The following SYDE2 variants were observed in gnomAD, a reference collection of about 807,000 sequenced individuals.
SYDE2 encodes rho GTPase-activating protein SYDE2.
A neutral mutation model predicts 91.5 loss-of-function variants in SYDE2; 76 were observed. The ratio of observed to expected loss-of-function variants is 0.83; its 90% CI spans 0.69 to 1.01. The LOEUF (loss-of-function observed/expected upper bound fraction) is 1.01. SYDE2 is among the 50% of genes least tolerant of loss of function. SYDE2 has a pLI of 0.00. For synonymous variants in SYDE2, 513 were observed against 506.4 expected, an observed-to-expected ratio of 1.01 and a Z score of -0.18; for missense variants, 1,364 against 1,367.7, an observed-to-expected ratio of 1.00 and a Z score of 0.04.
At chr1:85,163,688 T>C (rs1484403145) in intron 6 of SYDE2, among the ~76,000 whole-genome samples, 1 of 151,806 alleles carries the variant, frequency 6.6e-6, no homozygotes, top group Non-Finnish European at 1.5e-5. Context: ...AACCCAAACC[T>C]GACCCCGGGG....
chr1:85,169,908 A>C (rs1403576924), intron 4 of SYDE2, among the ~76,000 whole-genome samples: 1 of 152,190 alleles, frequency 6.6e-6, no homozygotes, highest in Non-Finnish European at 1.5e-5. Flanking sequence ...AATATTACTT[A>C]TAGTAGAGGA....
At chr1:85,160,311 G>A (rs1657014593) in intron 6 of SYDE2, 1 of 922,162 alleles carries the variant, frequency 1.1e-6, no homozygotes, top group Non-Finnish European at 1.3e-6. Context: ...TAGTTTTCCA[G>A]ACTTAAAGTG....
downstream of SYDE2, among the ~76,000 whole-genome samples, chr1:85,154,664 G>C (rs1035006213): frequency 2.6e-5 from 4 of 151,418 alleles, no homozygotes; most frequent in African/African-American, 9.7e-5. Flanking sequence ...TCCTTTCATA[G>C]TCCACTGGCA....
intron 1 of SYDE2, among the ~76,000 whole-genome samples, chr1:85,198,953 A>G (rs1658705189): frequency 6.6e-6 from 1 of 152,230 alleles, no homozygotes; most frequent in African/African-American, 2.4e-5. Context: ...TTCAAGTGAA[A>G]TGGAATATTT....
rs887555981 is a variant in SYDE2 at position 85,200,465 on chromosome 1, G to A, written c.532C>T (p.Pro178Ser). 19 of 1,613,930 alleles carry A rather than the reference G, an allele frequency of 1.2e-5. No homozygotes were observed. The highest frequency in any genetic ancestry group is 1.4e-5 in the Non-Finnish European group (17 of 1,179,894). The change falls in exon 1 of 7, where the codon CCC (proline) becomes TCC (serine). Residue 178 changes from proline (P) to serine (S), a missense_variant. By Grantham distance (74) the Pro-to-Ser change is moderately conservative. Transcript: ENST00000341460. Reference sequence around the variant, plus strand: ...ACTGCCGGCGGCCTGAGGAAGGAGGGGCCTTCCTGGCGGTCTCCTTTGCCA... The same window carrying A: ...ACTGCCGGCGGCCTGAGGAAGGAGGAGCCTTCCTGGCGGTCTCCTTTGCCA... Reference protein sequence around the residue: ...RSGKGDRQEGPSFLRPPAVTV... With the variant: ...RSGKGDRQEGSSFLRPPAVTV...
chr1:85,185,414 T>C (rs1472337504), intron 2 of SYDE2, among the ~76,000 whole-genome samples: 1 of 152,000 alleles, frequency 6.6e-6, no homozygotes, highest in African/African-American at 2.4e-5. Context: ...AAGTTTACGA[T>C]ATTGATTCTT....
At chr1:85,182,005 T>C in intron 3 of SYDE2, 93 bp downstream of exon 3, 1 of 1,298,398 alleles carries the variant, frequency 7.7e-7, no homozygotes, top group Admixed American at 3.2e-5. Flanking sequence ...TATCTAAATT[T>C]GATTTTTTTA....
Position 85,169,115 on chromosome 1 carries a change from C to G in SYDE2, c.2782G>C (p.Gly928Arg). The G allele has an allele frequency of 6.2e-7, 1 of 1,613,868 alleles. No individual in the cohort carries two copies. Among genetic ancestry groups the G allele is most frequent in the East Asian group, 2.2e-5 (1 of 44,852 alleles). Residue 928 changes from glycine to arginine, a missense_variant, in exon 5 of 7, where the codon GGT becomes CGT. Coordinates refer to ENST00000341460, the MANE Select transcript of SYDE2 (RefSeq NM_032184.2). ...GAGTCACCTGGGTCATTCTCACAAC[C>G]ATTTGATGACATTTTCAAAGGACTT... ...AKSPLKMSSN[G>R]CENDPGDSKY...
downstream of SYDE2, among the ~76,000 whole-genome samples, chr1:85,156,046 T>C (rs1656874439): frequency 6.6e-6 from 1 of 152,012 alleles, no homozygotes; most frequent in Non-Finnish European, 1.5e-5. Context: ...AGGAATGAAG[T>C]GAGATAAACT....
Position 85,159,853 on chromosome 1 carries a change from A to G in SYDE2, c.3086-604T>C, listed in dbSNP as rs1327511413. ...GTTTGATTATACAGCATTATCTACTATCTTCATTTATTGCCTGGAAATAGT... is the reference window on the plus strand; with the variant it reads ...GTTTGATTATACAGCATTATCTACTGTCTTCATTTATTGCCTGGAAATAGT... On this transcript the variant is annotated intron_variant, in intron 6 of 6. Transcript: ENST00000341460. 15 of 982,680 alleles carry G rather than the reference A, an allele frequency of 1.5e-5. No homozygotes were observed. In the Admixed American group the frequency reaches 9.2e-4, roughly 60 times the overall value. The allele number at this position is 982,680 out of a possible 1,614,324, so 60.9% of individuals were successfully genotyped here.
intron 6 of SYDE2, chr1:85,160,810 TTGTGCC>T (rs1301700792): frequency 1.0e-6 from 1 of 985,302 alleles, no homozygotes; most frequent in Non-Finnish European, 1.2e-6. Context: ...AATTGTCCTA[TTGTGCC>T]TGCATTTTCA....
intron 1 of SYDE2, among the ~76,000 whole-genome samples, chr1:85,197,589 TA>T (rs550955048): frequency 1.3e-5 from 2 of 152,354 alleles, no homozygotes; most frequent in Non-Finnish European, 2.9e-5. Context: ...CAATTTCAAG[TA>T]AGTAAATATT....
chr1:85,160,671 T>C, intron 6 of SYDE2: 1 of 985,436 alleles, frequency 1.0e-6, no homozygotes, highest in African/African-American at 1.7e-5. Context: ...CCCTCATTCT[T>C]TGTGCTATTC....
chr1:85,161,435 T>G (rs1405610764), intron 6 of SYDE2, among the ~76,000 whole-genome samples: 1 of 151,940 alleles, frequency 6.6e-6, no homozygotes, highest in Non-Finnish European at 1.5e-5. Flanking sequence ...TCATAGAAAA[T>G]GTGGTATAGT....
Position 85,200,314 on chromosome 1 carries a change from G to A in SYDE2, c.683C>T (p.Ala228Val). Residue 228 changes from alanine (A) to valine (V), a missense_variant, in exon 1 of 7, where the codon GCT becomes GTT. Transcript: ENST00000341460. Reference protein sequence around the residue: ...GTQAASPNVGALKVRENRVLS... With the variant: ...GTQAASPNVGVLKVRENRVLS... ...GACACGGTTTTCACGCACTTTCAAA[G>A]CGCCCACATTTGGGGAGGCTGCCTG... 3.1e-6 allele frequency: 5 copies of A among 1,613,998 alleles called. No homozygotes were observed. The highest frequency in any genetic ancestry group is 4.2e-6 in the Non-Finnish European group (5 of 1,179,876).
chr1:85,187,468 G>A (rs879370991), intron 2 of SYDE2, among the ~76,000 whole-genome samples: 1,703 of 151,714 alleles, frequency 0.011, 13 homozygotes, highest in Admixed American at 0.016. Flanking sequence ...TGATTCCTCA[G>A]GGATCTAGAA....
intron 6 of SYDE2, chr1:85,161,112 C>T (rs1308564714): frequency 5.1e-6 from 5 of 985,204 alleles, no homozygotes; most frequent in Non-Finnish European, 6.0e-6. Flanking sequence ...TGACTACCCA[C>T]CTTCAGTAGA....
In SYDE2 at chr1:85,200,885, C is replaced by A; in HGVS notation, c.112G>T (p.Ala38Ser). ...TCCCGGGGGCAGGCTCGGCGGTACGCGGCGCCGCGGGAAGGCGGCTGGCCC... is the reference window on the plus strand; with the variant it reads ...TCCCGGGGGCAGGCTCGGCGGTACGAGGCGCCGCGGGAAGGCGGCTGGCCC... ...APGQPPSRGA[A>S]YRRACPRDGE... is the part of the protein sequence containing the mutation. Residue 38 changes from alanine (A) to serine (S), a missense_variant, in exon 1 of 7, where the codon GCG (alanine) becomes TCG (serine). Ala to Ser is a moderately conservative substitution (Grantham distance 99). Coordinates refer to ENST00000341460, the MANE Select transcript of SYDE2 (RefSeq NM_032184.2). The A allele has an allele frequency of 3.7e-6, 5 of 1,337,654 alleles. No homozygotes were observed. Among genetic ancestry groups the A allele is most frequent in the African/African-American group, 1.5e-5 (1 of 64,898 alleles). The allele number at this position is 1,337,654 out of a possible 1,614,324, so 82.9% of individuals were successfully genotyped here.
intron 3 of SYDE2, 81 bp from the exon 4 acceptor site, chr1:85,178,353 C>A: frequency 7.7e-7 from 1 of 1,290,604 alleles, no homozygotes; most frequent in South Asian, 1.5e-5. Context: ...ATGAACTTTG[C>A]AATCAAATAT....
Sources: allele counts gnomAD v4.1 joint callset (sites outside exome capture counted in the v4.1 genomes callset), GRCh38; gene constraint gnomAD v4.1.1; transcripts MANE v1.5; gene names NCBI Gene and HGNC (gene_info 2026-07-23, HGNC 2026-07-21).